ERBB4: variants seen among roughly 807,000 people sequenced by gnomAD.
ERBB4 encodes receptor tyrosine-protein kinase erbB-4.
A neutral mutation model predicts 158.0 loss-of-function variants in ERBB4; 42 were observed. The observed-to-expected ratio is 0.27, with a 90% CI of 0.21 to 0.34. ERBB4 has a LOEUF of 0.34. Ranked by LOEUF, ERBB4 falls within the 10% of genes least tolerant of loss-of-function variation. ERBB4 has a pLI of 1.00. For missense variants in ERBB4, 1,333 were observed against 1,624.1 expected (o/e 0.82, Z 3.08); for synonymous variants, 583 against 558.7 (o/e 1.04, Z -0.61).
At chr2:212,341,944 C>T (rs2088737362) in intron 1 of ERBB4, among the ~76,000 whole-genome samples, 1 of 151,830 alleles carries the variant, frequency 6.6e-6, no homozygotes, top group South Asian at 2.1e-4. Flanking sequence ...ATATGTTGAC[C>T]AAATATATAA....
intron 20 of ERBB4, among the ~76,000 whole-genome samples, chr2:211,446,099 G>A (rs749905595): frequency 3.3e-5 from 5 of 152,176 alleles, no homozygotes; most frequent in Non-Finnish European, 7.4e-5. Context: ...CATAAGTTGA[G>A]GATGAGAGGA....
chr2:211,896,808 T>C (rs1188637033), intron 3 of ERBB4, among the ~76,000 whole-genome samples: 1 of 152,108 alleles, frequency 6.6e-6, no homozygotes, highest in Non-Finnish European at 1.5e-5. Flanking sequence ...TGTTTAAAAT[T>C]ATTTTGAAAA....
intron 12 of ERBB4, among the ~76,000 whole-genome samples, chr2:211,699,238 T>C (rs1321472386): frequency 6.6e-6 from 1 of 152,192 alleles, no homozygotes; most frequent in Non-Finnish European, 1.5e-5. Context: ...ATGTGTGTTG[T>C]ATGTGGAACT....
At chr2:212,250,675 A>G in intron 1 of ERBB4, among the ~76,000 whole-genome samples, 1 of 151,928 alleles carries the variant, frequency 6.6e-6, no homozygotes, top group East Asian at 1.9e-4. Context: ...TCCATGTTAG[A>G]CAAACAATTT....
chr2:211,631,514 G>T (rs1386431782), intron 16 of ERBB4, among the ~76,000 whole-genome samples: 1 of 152,206 alleles, frequency 6.6e-6, no homozygotes, highest in Non-Finnish European at 1.5e-5. Context: ...AAGGGATTAA[G>T]AAGAGATTGA....
intron 17 of ERBB4, among the ~76,000 whole-genome samples, chr2:211,626,798 G>A (rs1002128046): frequency 6.6e-5 from 10 of 151,816 alleles, no homozygotes; most frequent in Non-Finnish European, 1.3e-4. Context: ...GTTGGCGGGC[G>A]CCTGTAGTCC....
intron 1 of ERBB4, among the ~76,000 whole-genome samples, chr2:212,312,777 C>T (rs1346883819): frequency 4.0e-5 from 6 of 150,650 alleles, no homozygotes; most frequent in Non-Finnish European, 6.0e-5. Context: ...TTCTTATTTG[C>T]TTTATTTTGC....
At chr2:212,397,916 T>C (rs548377260) in intron 1 of ERBB4, among the ~76,000 whole-genome samples, 4 of 152,200 alleles carry the variant, frequency 2.6e-5, no homozygotes, top group Admixed American at 2.6e-4. Context: ...GAGAAACTGA[T>C]AACTCTTTAC....
intron 4 of ERBB4, among the ~76,000 whole-genome samples, chr2:211,757,510 A>T (rs1237324517): frequency 6.6e-6 from 1 of 152,224 alleles, no homozygotes; most frequent in Non-Finnish European, 1.5e-5. Context: ...ATATTCATTC[A>T]AGCAATTTAT....
Position 211,815,056 on chromosome 2 carries a change from C to T in ERBB4, c.422-26897G>A, listed in dbSNP as rs562276331. ...CTCTTTTTCCTCTCAAAAGGCTTCT[C>T]GCATGGGGACCCTATTCATTAAAAA... On this transcript the variant is annotated intron_variant, in intron 3 of 27. Coordinates refer to ENST00000342788, the MANE Select transcript of ERBB4 (RefSeq NM_005235.3). Among the ~76,000 whole-genome samples the T allele has an allele frequency of 2.6e-4, 40 of 152,214 alleles. 1 individual carries two copies. Among genetic ancestry groups the T allele is most frequent in the East Asian group, 9.7e-4 (5 of 5,164 alleles).
At chr2:211,541,998 G>A (rs55663096) in intron 20 of ERBB4, among the ~76,000 whole-genome samples, 27,456 of 150,998 alleles carry the variant, frequency 0.18, 3,335 homozygotes, top group East Asian at 0.46. Flanking sequence ...ATGGAGGTAG[G>A]GTCCACATTT....
At chr2:211,475,857 T>C (rs979379900) in intron 20 of ERBB4, among the ~76,000 whole-genome samples, 11 of 152,152 alleles carry the variant, frequency 7.2e-5, no homozygotes, top group African/African-American at 2.7e-4. Flanking sequence ...TTTGAATTTA[T>C]CTGTAGTAGT....
At chr2:211,610,071 ATAAG>A (rs1267664041) in intron 19 of ERBB4, among the ~76,000 whole-genome samples, 3 of 152,110 alleles carry the variant, frequency 2.0e-5, no homozygotes, top group Non-Finnish European at 4.4e-5. Flanking sequence ...GATCATTGTA[ATAAG>A]TAATTACCCA....
At chr2:211,687,496 TTGTTTGTTTGTTATTTTTAGCATTGTA>T (rs1173180017) in intron 12 of ERBB4, among the ~76,000 whole-genome samples, 1 of 151,600 alleles carries the variant, frequency 6.6e-6, no homozygotes, top group African/African-American at 2.4e-5. Context: ...TGACTGAAGT[TTGTTTGTTTGTTATTTTTAGCATTGTA>T]TGTTTGTTTG....
intron 2 of ERBB4, among the ~76,000 whole-genome samples, chr2:212,060,081 TAAAC>T (rs1396391175): frequency 2.6e-5 from 4 of 152,086 alleles, no homozygotes; most frequent in Non-Finnish European, 5.9e-5. Context: ...ACAAAGAACT[TAAAC>T]AAATTTACAA....
chr2:212,310,327 C>T (rs563073763), intron 1 of ERBB4, among the ~76,000 whole-genome samples: 5 of 150,688 alleles, frequency 3.3e-5, no homozygotes, highest in Non-Finnish European at 7.4e-5. Context: ...CTCTTTATAG[C>T]GGCATCAGTA....
chr2:211,990,177 G>T lies in ERBB4; in HGVS notation c.235-42561C>A, dbSNP rs192916932. Among the ~76,000 whole-genome samples the T allele has an allele frequency of 6.6e-3, 1,006 of 152,034 alleles. 42 individuals carry two copies. Among genetic ancestry groups the T allele is most frequent in the Admixed American group, 0.059 (904 of 15,236 alleles). Reference sequence around the variant, plus strand: ...ACAATTTCTAGGCATTTGAATAGATGTCTACTGAGGAAATGTGAAAGTGGA... The same window carrying T: ...ACAATTTCTAGGCATTTGAATAGATTTCTACTGAGGAAATGTGAAAGTGGA... On this transcript the variant is annotated intron_variant, in intron 2 of 27. Transcript: ENST00000342788.
intron 2 of ERBB4, among the ~76,000 whole-genome samples, chr2:211,959,182 A>G (rs2081108672): frequency 6.6e-6 from 1 of 152,012 alleles, no homozygotes; most frequent in South Asian, 2.1e-4. Context: ...ACAAATGTTT[A>G]TTGTCCCCCT....
chr2:211,791,554 C>A (rs1420295378), intron 3 of ERBB4, among the ~76,000 whole-genome samples: 1 of 151,820 alleles, frequency 6.6e-6, no homozygotes, highest in Non-Finnish European at 1.5e-5. Context: ...TTCAAAGTAT[C>A]TCATTTCATT....
Sources: gnomAD v4.1 joint callset for allele counts (sites outside exome capture counted in the v4.1 genomes callset) on GRCh38, gnomAD v4.1.1 for gene constraint, MANE v1.5 for transcripts, NCBI Gene and HGNC (gene_info 2026-07-23, HGNC 2026-07-21) for gene names.